EP400: variants seen among roughly 807,000 people sequenced by gnomAD.
EP400 encodes the protein E1A binding protein p400.
A neutral mutation model predicts 354.1 loss-of-function variants in EP400; 105 were observed. The observed-to-expected ratio is 0.30, with a 90% CI of 0.25 to 0.35. The LOEUF (loss-of-function observed/expected upper bound fraction) is 0.35, where lower values mean the gene tolerates loss of function less well. Ranked by LOEUF, EP400 falls within the 10% of genes least tolerant of loss-of-function variation. The pLI, the probability that EP400 is intolerant of heterozygous loss-of-function variation, is 1.00. For synonymous variants in EP400, 1,646 were observed against 1,716.9 expected (o/e 0.96, Z 1.02); for missense variants, 3,280 against 4,121.0 (o/e 0.80, Z 5.59).
In EP400 at chr12:132,038,964, C is replaced by T. The variant is rs201486064; in HGVS notation, c.6207+868C>T. On this transcript the variant is annotated intron_variant, in intron 32 of 52. Transcript: ENST00000389561. This position sits in a 1 kb window ranked among gnomAD's most constrained non-coding sequence, Gnocchi z 4.2. The stretch of plus-strand genomic sequence containing the variant: ...TTCTTCCTGCCCTGTTTGACTGCAG[C>T]GCATGACTGCATGGGCTTCTCTGTA... Among the ~76,000 whole-genome samples, 1 of 152,164 alleles carries T rather than the reference C, an allele frequency of 6.6e-6. No individual in the cohort carries two copies. Among genetic ancestry groups the T allele is most frequent in the Non-Finnish European group, 1.5e-5 (1 of 68,036 alleles).
At chr12:132,001,281 A>G (rs1310683283) in intron 12 of EP400, among the ~76,000 whole-genome samples, 1 of 152,120 alleles carries the variant, frequency 6.6e-6, no homozygotes, top group Non-Finnish European at 1.5e-5. Context: ...ATCTCCAATG[A>G]TAGGTAGGGT....
intron 2 of EP400, among the ~76,000 whole-genome samples, chr12:131,964,714 C>T (rs1892015084): frequency 6.6e-6 from 1 of 152,210 alleles, no homozygotes; most frequent in African/African-American, 2.4e-5. Flanking sequence ...TATATATACA[C>T]ATATCTAAAA....
Position 131,960,707 on chromosome 12 carries a change from G to GTCCCCC in EP400, c.88_89insTCCCCC (p.Ala30delinsValProPro). On this transcript the variant is annotated protein_altering_variant, in exon 2 of 53. Transcript: ENST00000389561. ...TGGCAGCGAGGGTGAGGAGCAGCCG[G>GTCCCCC]CCCACCCCAACCCACCCCCGTCCCC... The GTCCCCC allele has an allele frequency of 1.3e-6, 2 of 1,545,590 alleles. No individual in the cohort carries two copies. The highest frequency in any genetic ancestry group is 1.2e-5 in the South Asian group (1 of 83,348).
chr12:132,038,235 C>G lies in EP400; in HGVS notation c.6207+139C>G. 3 of 1,024,680 alleles carry G rather than the reference C, an allele frequency of 2.9e-6. No homozygotes were observed. The highest frequency in any genetic ancestry group is 3.2e-5 in the African/African-American group (2 of 61,808). 63.5% of individuals were successfully genotyped at this position (1,024,680 alleles called of 1,614,324 possible). ...CTCTTCCCGTCCCTGCTTTTGGAAC[C>G]TCCCCACTCCCTTCTTTCTGTCATG... On this transcript the variant is annotated intron_variant, in intron 32 of 52. Coordinates refer to ENST00000389561, the MANE Select transcript of EP400 (RefSeq NM_015409.5). The surrounding 1 kb of genome is among the most constrained non-coding windows in gnomAD (Gnocchi z 4.2).
intron 1 of EP400, among the ~76,000 whole-genome samples, chr12:131,953,739 C>G (rs1448491839): frequency 6.6e-6 from 1 of 152,164 alleles, no homozygotes; most frequent in Non-Finnish European, 1.5e-5. Context: ...TACGTGACAT[C>G]TAGTGTTATC....
chr12:131,980,408 T>C (rs1269469238), intron 3 of EP400, among the ~76,000 whole-genome samples: 2 of 152,250 alleles, frequency 1.3e-5, no homozygotes, highest in Non-Finnish European at 2.9e-5. Flanking sequence ...TCCATGCTGT[T>C]CCGTCTTGGG....
At chr12:131,957,183 T>C (rs955445977) in intron 1 of EP400, among the ~76,000 whole-genome samples, 1 of 152,174 alleles carries the variant, frequency 6.6e-6, no homozygotes, top group Admixed American at 6.5e-5. Flanking sequence ...TTTTTGTCTT[T>C]AATTAATTTT....
chr12:132,060,982 A>G (rs2136604281), intron 45 of EP400, among the ~76,000 whole-genome samples: 1 of 152,310 alleles, frequency 6.6e-6, no homozygotes. Flanking sequence ...GACATTTTCA[A>G]CTTTGGACCT....
At chr12:132,001,451 G>A (rs1893411464) in intron 12 of EP400, among the ~76,000 whole-genome samples, 1 of 152,220 alleles carries the variant, frequency 6.6e-6, no homozygotes, top group South Asian at 2.1e-4. Context: ...CACGTGTACA[G>A]GATGGAACAT....
At chr12:131,953,805 A>G (rs1041739026) in intron 1 of EP400, among the ~76,000 whole-genome samples, 1 of 152,180 alleles carries the variant, frequency 6.6e-6, no homozygotes, top group Non-Finnish European at 1.5e-5. Context: ...TCAAAGATAC[A>G]CAGAGATTGA....
chr12:132,013,754 CAGT>C lies in EP400; in HGVS notation c.3787-21_3787-19del. 6.2e-7 allele frequency: 1 copy of C among 1,612,070 alleles called. No homozygotes were observed. The highest frequency in any genetic ancestry group is 8.5e-7 in the Non-Finnish European group (1 of 1,179,124). ...TACAGCAGCATTTTTGGAAAGAAAA[CAGT>C]AAACAGTTTTTATTTTCAGGTGACA... On this transcript the variant is annotated intron_variant, in intron 18 of 52. Transcript: ENST00000389561. This position sits in a 1 kb window ranked among gnomAD's most constrained non-coding sequence, Gnocchi z 4.5.
chr12:131,986,418 C>T (rs971134585), intron 5 of EP400, 96 bp from the exon 6 acceptor site: 33 of 1,252,634 alleles, frequency 2.6e-5, no homozygotes, highest in African/African-American at 1.0e-4. Flanking sequence ...GCTGGCAGTG[C>T]GCGTCTCTGG....
intron 23 of EP400, among the ~76,000 whole-genome samples, chr12:132,023,003 T>C (rs1168237548): frequency 6.6e-6 from 1 of 152,004 alleles, no homozygotes; most frequent in Non-Finnish European, 1.5e-5. Flanking sequence ...AAGCTAGTTA[T>C]TTTTTTATAT....
At chr12:131,952,613 G>T (rs1231078019) in intron 1 of EP400, among the ~76,000 whole-genome samples, 1 of 152,052 alleles carries the variant, frequency 6.6e-6, no homozygotes, top group Non-Finnish European at 1.5e-5. Flanking sequence ...GCACCACGCC[G>T]TGCTAATTTT....
intron 2 of EP400, among the ~76,000 whole-genome samples, chr12:131,978,936 G>C (rs1410489504): frequency 6.6e-6 from 1 of 152,048 alleles, no homozygotes; most frequent in East Asian, 1.9e-4. Context: ...CTCTAAGTTG[G>C]CTGGGTGCGG....
At position 132,067,148 on chromosome 12, in the gene EP400, A is replaced by G. The variant is rs114194563; in HGVS notation, c.8749+179A>G. ...TTCCAGGCGCAAGGCTGGGTCCTCAATTGAACTGTTAACATTCTGAAATTT... is the reference window on the plus strand; with the variant it reads ...TTCCAGGCGCAAGGCTGGGTCCTCAGTTGAACTGTTAACATTCTGAAATTT... On this transcript the variant is annotated intron_variant, in intron 49 of 52. Coordinates refer to ENST00000389561, the MANE Select transcript of EP400 (RefSeq NM_015409.5). The surrounding 1 kb of genome is among the most constrained non-coding windows in gnomAD (Gnocchi z 5.3). 771 of 1,123,018 alleles carry G rather than the reference A, an allele frequency of 6.9e-4. 5 individuals carry two copies. The African/African-American group carries it at 9.7e-3, about 14-fold the overall frequency. The allele number at this position is 1,123,018 out of a possible 1,614,324, so 69.6% of individuals were successfully genotyped here.
chr12:132,051,931 C>T (rs1001659800), intron 41 of EP400, among the ~76,000 whole-genome samples: 1 of 152,170 alleles, frequency 6.6e-6, no homozygotes, highest in Non-Finnish European at 1.5e-5. Context: ...CTGGCGTTAC[C>T]GCTAGACCCA....
Position 131,982,316 on chromosome 12 carries a change from G to C in EP400, c.1767G>C (p.Gln589His). The C allele has an allele frequency of 6.2e-7, 1 of 1,614,164 alleles. No individual in the cohort carries two copies. Among genetic ancestry groups the C allele is most frequent in the Non-Finnish European group, 8.5e-7 (1 of 1,180,028 alleles). ...QQPQVVEAQT[Q>H]LQIPVKTQQP... ...CGCAAGTGGTAGAGGCCCAGACACA[G>C]CTCCAAATCCCGGTGAAGACTCAGC... The change falls in exon 5 of 53, where the codon CAG becomes CAC. Residue 589 changes from glutamine (Q) to histidine (H), a missense_variant. Around this residue, in one of 20 missense-constraint regions of EP400, gnomAD observed 800 missense variants for 840.0 expected, o/e 0.95. Transcript: ENST00000389561.
chr12:132,014,637 G>T (rs978855677), intron 19 of EP400, among the ~76,000 whole-genome samples: 6 of 152,198 alleles, frequency 3.9e-5, no homozygotes, highest in African/African-American at 1.4e-4. Flanking sequence ...TCTGCTGGGG[G>T]TGTGGCCATG....
Sources: allele counts gnomAD v4.1 joint callset (sites outside exome capture counted in the v4.1 genomes callset), GRCh38; gene constraint gnomAD v4.1.1; regional missense constraint gnomAD v4.1.1; non-coding constraint Gnocchi (gnomAD v3.1); transcripts MANE v1.5; gene names NCBI Gene and HGNC (gene_info 2026-07-23, HGNC 2026-07-21).